Variants in HHLA1 observed in about 807,000 individuals in gnomAD.
The protein encoded by HHLA1 is HHLA1 neighbor of OC90, also known as HERV-H LTR-associating protein 1.
HHLA1 carries 72 observed loss-of-function variants against 69.9 expected under a neutral mutation model. The observed-to-expected ratio is 1.03, with a 90% CI of 0.85 to 1.25. HHLA1 has a LOEUF of 1.25. HHLA1 is among the 50% of genes most tolerant of loss of function. The pLI, the probability that HHLA1 is intolerant of heterozygous loss-of-function variation, is 0.00. For missense variants in HHLA1, 685 were observed against 642.2 expected (o/e 1.07, Z -0.72); for synonymous variants, 252 against 233.2 (o/e 1.08, Z -0.73).
chr8:132,098,920 G>C lies in HHLA1; in HGVS notation c.242C>G (p.Thr81Arg), dbSNP rs1824067918. 1 of 1,551,300 alleles carries C rather than the reference G, an allele frequency of 6.4e-7. No homozygotes were observed. The highest frequency in any genetic ancestry group is 2.4e-5 in the East Asian group (1 of 40,932). Residue 81 changes from threonine to arginine, a missense_variant, in exon 5 of 17, where the codon ACA (threonine) becomes AGA (arginine). Physicochemically the swap from Thr to Arg is moderately conservative, Grantham distance 71. Transcript: ENST00000414222. ...RSIDLSALNLTELVNGMLSRA... is the reference protein window; with the variant it reads ...RSIDLSALNLRELVNGMLSRA... ...ACTGAGCATCCCATTCACAAGCTCT[G>C]TCAGGTTAAGCGCGGACAGATCGAT...
chr8:132,078,592 T>C (rs1232695538), intron 11 of HHLA1, among the ~76,000 whole-genome samples: 1 of 152,184 alleles, frequency 6.6e-6, no homozygotes, highest in African/African-American at 2.4e-5. Context: ...TTCTTATCTC[T>C]TGGGGAAGCC....
intron 11 of HHLA1, among the ~76,000 whole-genome samples, 200 bp from the exon 12 acceptor site, chr8:132,078,171 AACACACACAC>A (rs34612835): frequency 0.054 from 7,761 of 144,470 alleles, 239 homozygotes; most frequent in South Asian, 0.088. Context: ...AGCACCAATA[AACACACACAC>A]ACACACACAC....
chr8:132,068,177 C>T lies in HHLA1; in HGVS notation c.1470-2209G>A, dbSNP rs114011696. ...CAAACTAAGGTGCTCTGTGAAACTG[C>T]CAAGTGTGAGGCCAGGATTTAAGTT... On this transcript the variant is annotated intron_variant, in intron 15 of 16. Transcript: ENST00000414222. Among the ~76,000 whole-genome samples the T allele has an allele frequency of 7.7e-3, 1,172 of 152,308 alleles. 19 individuals carry two copies. Among genetic ancestry groups the T allele is most frequent in the African/African-American group, 0.026 (1,091 of 41,566 alleles).
intron 14 of HHLA1, 22 bp downstream of exon 14, chr8:132,076,033 A>G: frequency 6.6e-7 from 1 of 1,522,702 alleles, no homozygotes; most frequent in Non-Finnish European, 8.9e-7. Context: ...AGCAATAGTA[A>G]TGACTGGGCA....
At chr8:132,090,006 G>A (rs1052674887) in intron 7 of HHLA1, among the ~76,000 whole-genome samples, 5 of 152,156 alleles carry the variant, frequency 3.3e-5, no homozygotes, top group Admixed American at 1.3e-4. Context: ...TTACAGACTT[G>A]GGGGTTGGAA....
At chr8:132,066,829 T>A (rs899344569) in intron 15 of HHLA1, among the ~76,000 whole-genome samples, 1 of 152,158 alleles carries the variant, frequency 6.6e-6, no homozygotes, top group Non-Finnish European at 1.5e-5. Context: ...TTAAATGACT[T>A]CCCCAAGGGA....
chr8:132,100,416 T>C (rs139011915), intron 3 of HHLA1, among the ~76,000 whole-genome samples: 1,721 of 152,248 alleles, frequency 0.011, 19 homozygotes, highest in Non-Finnish European at 0.017. Context: ...GTAGGAAAAC[T>C]GAGGCCCAGA....
In HHLA1 at chr8:132,095,576, C is replaced by T. The variant is rs796531183; in HGVS notation, c.391G>A (p.Ala131Thr). 83 of 1,549,294 alleles carry T rather than the reference C, an allele frequency of 5.4e-5. No individual in the cohort carries two copies. The highest frequency in any genetic ancestry group is 4.3e-4 in the Admixed American group (22 of 50,962). ...TAGCAATACCTTGTGGGGAATTTGG[C>T]GGGGTCTACTGTCTTCAGGTTAGAA... ...NISNLKTVDP[A>T]KFPTRYCYCL... Residue 131 changes from alanine (A) to threonine (T), a missense_variant, in exon 7 of 17, where the codon GCC becomes ACC. Transcript: ENST00000414222.
intron 1 of HHLA1, among the ~76,000 whole-genome samples, chr8:132,107,183 A>G (rs933197059): frequency 2.0e-5 from 3 of 152,222 alleles, no homozygotes; most frequent in African/African-American, 7.2e-5. Context: ...CTTATAGTAG[A>G]AAAACAATTA....
intron 14 of HHLA1, among the ~76,000 whole-genome samples, chr8:132,074,329 C>CTTT (rs201966926): frequency 1.4e-5 from 2 of 146,100 alleles, no homozygotes; most frequent in East Asian, 2.0e-4. Context: ...TCAATTGCAG[C>CTTT]TTTTTTTTTT....
chr8:132,092,922 C>G lies in HHLA1; in HGVS notation c.448+2597G>C, dbSNP rs200154375. On this transcript the variant is annotated intron_variant, in intron 7 of 16. Transcript: ENST00000414222. ...GCAACAAGCTAGAAGGAGCCTGGGCCCCAAAACCATCAAACCATTAGAGCA... is the reference window on the plus strand; with the variant it reads ...GCAACAAGCTAGAAGGAGCCTGGGCGCCAAAACCATCAAACCATTAGAGCA... 1.2e-4 allele frequency among the ~76,000 whole-genome samples: 18 copies of G among 152,270 alleles called. No homozygotes were observed. The East Asian group carries it at 3.5e-3, about 29-fold the overall frequency.
At chr8:132,093,084 A>G (rs572321178) in intron 7 of HHLA1, among the ~76,000 whole-genome samples, 5 of 152,300 alleles carry the variant, frequency 3.3e-5, no homozygotes, top group Middle Eastern at 3.4e-3. Context: ...ATGGGTTCCT[A>G]TATGTAGAGC....
chr8:132,067,133 G>C (rs1426862111), intron 15 of HHLA1, among the ~76,000 whole-genome samples: 1 of 152,204 alleles, frequency 6.6e-6, no homozygotes, highest in African/African-American at 2.4e-5. Flanking sequence ...CTTGGTGGCA[G>C]CTGGGACCGC....
chr8:132,102,781 C>T (rs1473432047), intron 3 of HHLA1, among the ~76,000 whole-genome samples: 4 of 146,754 alleles, frequency 2.7e-5, no homozygotes, highest in African/African-American at 1.0e-4. Context: ...TCATCTTCTT[C>T]ACTGAGCACC....
intron 10 of HHLA1, among the ~76,000 whole-genome samples, chr8:132,084,414 G>C (rs900592657): frequency 8.3e-6 from 1 of 121,210 alleles, no homozygotes. Context: ...GATTTGGGAC[G>C]AGTTGCACTG....
intron 12 of HHLA1, 61 bp from the exon 13 acceptor site, chr8:132,076,604 A>G (rs1462180238): frequency 1.7e-6 from 2 of 1,168,550 alleles, no homozygotes; most frequent in African/African-American, 1.6e-5. Context: ...GAGGGAGAAG[A>G]TGACCAGGGC....
At chr8:132,091,031 T>G (rs1823939100) in intron 7 of HHLA1, among the ~76,000 whole-genome samples, 1 of 152,242 alleles carries the variant, frequency 6.6e-6, no homozygotes, top group Admixed American at 6.5e-5. Flanking sequence ...TCTGTCTCTT[T>G]AGACCAGTCT....
At position 132,083,745 on chromosome 8, in the gene HHLA1, G is replaced by A. The variant is rs529565684; in HGVS notation, c.677-3779C>T. ...GGTTCTGGAGGAACGCCTGGCCGCT[G>A]CGGTTCGGGCGTTTGGAAGTTCTTG... On this transcript the variant is annotated intron_variant, in intron 10 of 16. Coordinates refer to ENST00000414222, the MANE Select transcript of HHLA1 (RefSeq NM_001145095.3). 1.2e-4 allele frequency among the ~76,000 whole-genome samples: 18 copies of A among 152,328 alleles called. No homozygotes were observed. The South Asian group carries it at 3.7e-3, about 32-fold the overall frequency.
intron 15 of HHLA1, among the ~76,000 whole-genome samples, chr8:132,068,487 A>G (rs1314322155): frequency 6.6e-6 from 1 of 152,220 alleles, no homozygotes. Flanking sequence ...CCTCACATGG[A>G]CTGGAAGAGG....
Sources: gnomAD v4.1 joint callset for allele counts (sites outside exome capture counted in the v4.1 genomes callset) on GRCh38, gnomAD v4.1.1 for gene constraint, MANE v1.5 for transcripts, NCBI Gene and HGNC (gene_info 2026-07-23, HGNC 2026-07-21) for gene names.